Variants in SLC10A7 observed in about 807,000 individuals in gnomAD.
SLC10A7 encodes solute carrier family 10 member 7.
SLC10A7 carries 29 observed loss-of-function variants against 43.2 expected under a neutral mutation model. The observed-to-expected ratio is 0.67, with a 90% confidence interval of 0.50 to 0.92. The LOEUF is 0.92. Ranked by LOEUF, SLC10A7 falls within the 40% of genes least tolerant of loss-of-function variation. The probability of loss-of-function intolerance (pLI) is 0.00; values close to 1 mark genes in which losing one functional copy is unlikely to be tolerated. For missense variants in SLC10A7, 295 were observed against 403.2 expected (o/e 0.73, Z 2.30); for synonymous variants, 152 against 144.8 (o/e 1.05, Z -0.35).
chr4:146,482,500 T>C (rs938571525), intron 4 of SLC10A7, among the ~76,000 whole-genome samples: 1 of 150,978 alleles, frequency 6.6e-6, no homozygotes, highest in Non-Finnish European at 1.5e-5. Context: ...AGAGCCTCAA[T>C]AGCACACTCC....
At chr4:146,374,594 AT>A (rs1410435813) in intron 5 of SLC10A7, among the ~76,000 whole-genome samples, 21 of 144,464 alleles carry the variant, frequency 1.5e-4, no homozygotes, top group African/African-American at 2.9e-4. Flanking sequence ...CTCAAAAAAA[AT>A]ATATACATAT....
At chr4:146,278,029 A>G (rs1441920708) in intron 10 of SLC10A7, among the ~76,000 whole-genome samples, 1 of 152,152 alleles carries the variant, frequency 6.6e-6, no homozygotes, top group East Asian at 1.9e-4. Flanking sequence ...CCATGCGAAG[A>G]TCAAATATTT....
chr4:146,482,763 A>C (rs997543351), intron 4 of SLC10A7, among the ~76,000 whole-genome samples: 1 of 152,146 alleles, frequency 6.6e-6, no homozygotes, highest in Non-Finnish European at 1.5e-5. Context: ...AAATTGATCA[A>C]ATCCAAAGAA....
In SLC10A7 at chr4:146,497,554, T is replaced by C. The variant is rs539271359; in HGVS notation, c.396+6295A>G. Reference sequence around the variant, plus strand: ...ACTTTACTTGGACGTTAAGGCTTCATATTCACTTCACATTTTTCGGCAATG... The same window carrying C: ...ACTTTACTTGGACGTTAAGGCTTCACATTCACTTCACATTTTTCGGCAATG... On this transcript the variant is annotated intron_variant, in intron 4 of 11. Coordinates refer to ENST00000335472, the MANE Select transcript of SLC10A7 (RefSeq NM_001029998.6). Among the ~76,000 whole-genome samples, 4 of 152,340 alleles carry C rather than the reference T, an allele frequency of 2.6e-5. No individual in the cohort carries two copies. In the South Asian group the frequency reaches 8.3e-4, roughly 32 times the overall value.
chr4:146,371,784 T>C (rs529037032), intron 5 of SLC10A7, among the ~76,000 whole-genome samples: 1 of 152,288 alleles, frequency 6.6e-6, no homozygotes, highest in Non-Finnish European at 1.5e-5. Flanking sequence ...AAACAGGGCC[T>C]CACTTGTAAT....
intron 2 of SLC10A7, among the ~76,000 whole-genome samples, chr4:146,511,613 C>A (rs1293370505): frequency 6.6e-6 from 1 of 152,218 alleles, no homozygotes; most frequent in African/African-American, 2.4e-5. Flanking sequence ...CACAGCAGTT[C>A]CTTCCTGTTA....
chr4:146,426,080 A>G (rs1262426352), intron 5 of SLC10A7, among the ~76,000 whole-genome samples: 1 of 152,222 alleles, frequency 6.6e-6, no homozygotes, highest in East Asian at 1.9e-4. Flanking sequence ...ATTATGTATG[A>G]TTAATGTGAG....
intron 5 of SLC10A7, among the ~76,000 whole-genome samples, chr4:146,354,733 G>A (rs1160262571): frequency 6.5e-4 from 97 of 148,836 alleles, no homozygotes; most frequent in Non-Finnish European, 1.1e-3. Context: ...AAATAATGCC[G>A]CATATCTACA....
chr4:146,337,632 A>T (rs1238932011), intron 5 of SLC10A7, among the ~76,000 whole-genome samples: 1 of 152,048 alleles, frequency 6.6e-6, no homozygotes, highest in Non-Finnish European at 1.5e-5. Flanking sequence ...TGCTAAGTAC[A>T]TTACAAACAT....
At chr4:146,321,440 T>G (rs1361992219) in intron 6 of SLC10A7, among the ~76,000 whole-genome samples, 1 of 152,124 alleles carries the variant, frequency 6.6e-6, no homozygotes, top group East Asian at 1.9e-4. Flanking sequence ...TATTCCAGTA[T>G]GTCCTCATCT....
intron 11 of SLC10A7, chr4:146,256,757 G>A: frequency 8.0e-7 from 1 of 1,252,246 alleles, no homozygotes; most frequent in Non-Finnish European, 1.1e-6. Flanking sequence ...TGGTTCCCCT[G>A]TGCACTAGAT....
intron 2 of SLC10A7, chr4:146,514,364 G>A (rs933859670): frequency 1.3e-5 from 2 of 152,008 alleles, no homozygotes; most frequent in Admixed American, 6.6e-5. Context: ...AAACAAATTC[G>A]CCCTGCCACA....
At chr4:146,432,864 C>T (rs1179607150) in intron 5 of SLC10A7, among the ~76,000 whole-genome samples, 1 of 151,968 alleles carries the variant, frequency 6.6e-6, no homozygotes, top group Non-Finnish European at 1.5e-5. Flanking sequence ...ATGGTGAAAC[C>T]GCATTTCTAG....
rs144171825 is a variant in SLC10A7 at position 146,516,876 on chromosome 4, G to A, written c.183+162C>T. Among the ~76,000 whole-genome samples, 613 of 152,296 alleles carry A rather than the reference G, an allele frequency of 4.0e-3. 4 individuals carry two copies. Among genetic ancestry groups the A allele is most frequent in the African/African-American group, 0.014 (575 of 41,562 alleles). On this transcript the variant is annotated intron_variant, in intron 2 of 11. Coordinates refer to ENST00000335472, the MANE Select transcript of SLC10A7 (RefSeq NM_001029998.6). ...TGTACAGCTTTTATAATACACATAT[G>A]TAGGAATGAAACACAAGTCCTTTGC...
intron 5 of SLC10A7, among the ~76,000 whole-genome samples, chr4:146,359,011 C>T (rs1306718635): frequency 6.6e-6 from 1 of 152,112 alleles, no homozygotes; most frequent in Non-Finnish European, 1.5e-5. Context: ...TATTAGAATT[C>T]CAGTTACTAG....
chr4:146,325,567 T>G (rs577536397), intron 6 of SLC10A7, among the ~76,000 whole-genome samples: 7 of 152,312 alleles, frequency 4.6e-5, no homozygotes, highest in African/African-American at 1.4e-4. Flanking sequence ...GTATCAGCCT[T>G]GGAACCCAAG....
chr4:146,372,231 A>G (rs1043354938), intron 5 of SLC10A7, among the ~76,000 whole-genome samples: 2 of 152,020 alleles, frequency 1.3e-5, no homozygotes, highest in African/African-American at 4.8e-5. Flanking sequence ...AGGTGGGCAG[A>G]TTGCTTGAGC....
At chr4:146,376,364 C>T (rs920597453) in intron 5 of SLC10A7, among the ~76,000 whole-genome samples, 2 of 152,154 alleles carry the variant, frequency 1.3e-5, no homozygotes, top group Admixed American at 6.5e-5. Context: ...AGCCTGGAAA[C>T]TGCAACCCTA....
intron 4 of SLC10A7, among the ~76,000 whole-genome samples, chr4:146,475,935 C>A (rs527348135): frequency 6.6e-6 from 1 of 152,148 alleles, no homozygotes; most frequent in East Asian, 1.9e-4. Flanking sequence ...TACCTCAACA[C>A]CCATGCAAGT....
Sources: gnomAD v4.1 joint callset for allele counts (sites outside exome capture counted in the v4.1 genomes callset) on GRCh38, gnomAD v4.1.1 for gene constraint, MANE v1.5 for transcripts, NCBI Gene and HGNC (gene_info 2026-07-23, HGNC 2026-07-21) for gene names.